Variants in TRMT2B observed in about 807,000 individuals in gnomAD.
TRMT2B encodes tRNA (uracil-5-)-methyltransferase homolog B.
In TRMT2B, 34 loss-of-function variants were observed where a neutral mutation model predicts 39.7. The observed-to-expected ratio is 0.86, with a 90% CI of 0.65 to 1.14. The LOEUF (loss-of-function observed/expected upper bound fraction) is 1.14, where lower values mean the gene tolerates loss of function less well. Ranked by LOEUF, TRMT2B falls within the 50% of genes most tolerant of loss-of-function variation. TRMT2B has a pLI of 0.00. For synonymous variants in TRMT2B, 132 were observed against 137.3 expected, an observed-to-expected ratio of 0.96 and a Z score of 0.27; for missense variants, 318 against 377.2, an observed-to-expected ratio of 0.84 and a Z score of 1.30.
the TRMT2B span, chrX:100,985,717 T>C: frequency 1.7e-6 from 2 of 1,208,964 alleles, no homozygotes; most frequent in South Asian, 1.8e-5. Flanking sequence ...GACTACACTT[T>C]TGTTAGATGA....
intron 13 of TRMT2B, among the ~76,000 whole-genome samples, chrX:101,013,965 T>C (rs2147997487): frequency 9.1e-6 from 1 of 110,292 alleles, no homozygotes; most frequent in Non-Finnish European, 1.9e-5. Flanking sequence ...CTCACGCCTA[T>C]AGTCCCAGCT....
chrX:101,015,272 G>A (rs2086457027), intron 13 of TRMT2B, among the ~76,000 whole-genome samples: 1 of 111,413 alleles, frequency 9.0e-6, no homozygotes, highest in Admixed American at 9.7e-5. Flanking sequence ...CCTCAGGAAT[G>A]GAATTACCAT....
chrX:100,990,838 T>C, the TRMT2B span: 1 of 311,474 alleles, frequency 3.2e-6, no homozygotes. Flanking sequence ...AGAATTATGC[T>C]CTACTGAATC....
chrX:101,002,734 G>A, the TRMT2B span, among the ~76,000 whole-genome samples: 19 of 104,321 alleles, frequency 1.8e-4, no homozygotes, highest in South Asian at 2.6e-3. Flanking sequence ...AGCCGAGATC[G>A]CACCATTGCA....
the TRMT2B span, among the ~76,000 whole-genome samples, chrX:100,993,570 T>G: frequency 8.9e-6 from 1 of 111,894 alleles, no homozygotes; most frequent in Admixed American, 9.5e-5. Flanking sequence ...TTGTACCCTA[T>G]GAAGGTGAGC....
At chrX:101,038,149 C>T (rs2087953639) in intron 4 of TRMT2B, 98 bp from the exon 5 acceptor site, 2 of 773,372 alleles carry the variant, frequency 2.6e-6, no homozygotes, top group East Asian at 6.8e-5. Context: ...GCGTGGATCA[C>T]CTGAGGTTAG....
chrX:100,984,042 G>GT, the TRMT2B span, among the ~76,000 whole-genome samples: 1 of 111,043 alleles, frequency 9.0e-6, no homozygotes, highest in East Asian at 2.8e-4. Flanking sequence ...AGCTAGGCTA[G>GT]AACGGTCAGT....
At chrX:101,037,183 C>T (rs1029536625) in intron 5 of TRMT2B, 110 bp from the exon 6 acceptor site, 6 of 595,305 alleles carry the variant, frequency 1.0e-5, no homozygotes, top group Admixed American at 5.3e-5. Context: ...ATAAGGTTTG[C>T]TTGGAGGGTA....
intron 13 of TRMT2B, among the ~76,000 whole-genome samples, chrX:101,016,641 G>GT (rs2086531052): frequency 2.6e-5 from 2 of 77,385 alleles, no homozygotes; most frequent in Admixed American, 2.9e-4. Flanking sequence ...TAATTTTCGT[G>GT]GTTTTTTTTT....
In TRMT2B at chrX:101,036,894, C is replaced by T. The variant is rs148445594; in HGVS notation, c.538+80G>A. ...ATTTAATCTTCTTCTTTAAGGCCAC[C>T]GTATTTTCCACTTCTACTGACACTT... On this transcript the variant is annotated intron_variant, in intron 6 of 13. Coordinates refer to ENST00000372936, the MANE Select transcript of TRMT2B (RefSeq NM_024917.6). 3.6e-3 allele frequency: 2,734 copies of T among 751,590 alleles called. 61 individuals carry two copies. In the African/African-American group the frequency reaches 0.052, roughly 14 times the overall value. 61.9% of individuals were successfully genotyped at this position (751,590 alleles called of 1,213,427 possible).
chrX:101,027,148 G>A (rs141960454), intron 7 of TRMT2B, among the ~76,000 whole-genome samples: 2,403 of 111,133 alleles, frequency 0.022, 39 homozygotes, highest in Non-Finnish European at 0.031. Context: ...TTGACCTATC[G>A]GCAAGCATTG....
In TRMT2B at chrX:101,038,283, G is replaced by A. The variant is rs371470666; in HGVS notation, c.304-232C>T. Among the ~76,000 whole-genome samples, 7 of 99,320 alleles carry A rather than the reference G, an allele frequency of 7.0e-5. No individual in the cohort carries two copies. The East Asian group carries it at 1.5e-3, about 22-fold the overall frequency. 86.2% of individuals were successfully genotyped at this position (99,320 alleles called of 115,157 possible). On this transcript the variant is annotated intron_variant, in intron 4 of 13. Coordinates refer to ENST00000372936, the MANE Select transcript of TRMT2B (RefSeq NM_024917.6). ...CTCGGGAGGCTGAGGCAGGAGATTCGCTTGAACCCAGGAGGTGGAGGTTGT... is the reference window on the plus strand; with the variant it reads ...CTCGGGAGGCTGAGGCAGGAGATTCACTTGAACCCAGGAGGTGGAGGTTGT...
At chrX:100,988,851 CATATAT>C in the TRMT2B span, among the ~76,000 whole-genome samples, 4,482 of 79,620 alleles carry the variant, frequency 0.056, 106 homozygotes, top group South Asian at 0.091. Context: ...TAATATATCT[CATATAT>C]ATATATATAT....
chrX:100,975,200 C>T, the TRMT2B span, among the ~76,000 whole-genome samples: 1 of 112,115 alleles, frequency 8.9e-6, no homozygotes, highest in African/African-American at 3.2e-5. Context: ...CTTCATTTCC[C>T]ATGCTCTCTG....
At chrX:100,998,498 T>A in the TRMT2B span, among the ~76,000 whole-genome samples, 2 of 94,435 alleles carry the variant, frequency 2.1e-5, no homozygotes, top group South Asian at 1.1e-3. Context: ...GAAGTTGCAG[T>A]GAGCCAAGAT....
chrX:100,990,730 G>C, the TRMT2B span: 2 of 556,827 alleles, frequency 3.6e-6, no homozygotes, highest in Non-Finnish European at 5.6e-6. Flanking sequence ...CCAAAACTGA[G>C]CCTTAGAAAT....
the TRMT2B span, among the ~76,000 whole-genome samples, chrX:101,001,498 T>A: frequency 9.1e-6 from 1 of 110,356 alleles, no homozygotes; most frequent in Non-Finnish European, 1.9e-5. Flanking sequence ...AGCCTCCCAA[T>A]GTGCTGGGAT....
At chrX:100,976,354 C>T in the TRMT2B span, among the ~76,000 whole-genome samples, 1 of 110,731 alleles carries the variant, frequency 9.0e-6, no homozygotes, top group African/African-American at 3.3e-5. Flanking sequence ...GAGGACACTG[C>T]CTAGAGTCTA....
chrX:101,008,933 C>A (rs1602490238), downstream of TRMT2B, among the ~76,000 whole-genome samples: 2 of 111,422 alleles, frequency 1.8e-5, no homozygotes, highest in Middle Eastern at 9.1e-3. Context: ...CTAAACCTTC[C>A]CCTCTTCTGT....
Sources: allele counts gnomAD v4.1 joint callset (sites outside exome capture counted in the v4.1 genomes callset), GRCh38; gene constraint gnomAD v4.1.1; transcripts MANE v1.5; gene names NCBI Gene and HGNC (gene_info 2026-07-23, HGNC 2026-07-21).